JAKMIP3: variants seen among roughly 807,000 people sequenced by gnomAD.
JAKMIP3 encodes the protein Janus kinase and microtubule interacting protein 3, also known as janus kinase and microtubule-interacting protein 3.
JAKMIP3 carries 58 observed loss-of-function variants against 118.5 expected under a neutral mutation model. That is an observed-to-expected ratio of 0.49 (90% CI 0.40 to 0.61). JAKMIP3 has a LOEUF of 0.61. Ranked by LOEUF, JAKMIP3 falls within the 20% of genes least tolerant of loss-of-function variation. JAKMIP3 has a pLI of 0.00. For missense variants in JAKMIP3, 950 were observed against 1,109.0 expected (o/e 0.86, Z 2.04); for synonymous variants, 486 against 451.2 (o/e 1.08, Z -0.98).
chr10:132,150,863 T>A (rs2056029805), intron 16 of JAKMIP3, among the ~76,000 whole-genome samples: 2 of 152,114 alleles, frequency 1.3e-5, no homozygotes, highest in Non-Finnish European at 2.9e-5. Flanking sequence ...AATCCATCTA[T>A]CCATCCTTCA....
In JAKMIP3 at chr10:132,180,612, T is replaced by TGCGCGC. The variant is rs1565019226; in HGVS notation, c.*1104-1744_*1104-1743insCGCGCG. On this transcript the variant is annotated intron_variant, in intron 23 of 23. Coordinates refer to ENST00000684848, the MANE Select transcript of JAKMIP3 (RefSeq NM_001323087.2). Reference sequence around the variant, plus strand: ...GTGTGTGTGTGCGTGCGCGTGTGTGTGTGCGTGTGTGTGCGTGTGTGCGTG... The same window carrying TGCGCGC: ...GTGTGTGTGTGCGTGCGCGTGTGTGTGCGCGCGTGCGTGTGTGTGCGTGTGTGCGTG... Among the ~76,000 whole-genome samples the TGCGCGC allele has an allele frequency of 2.2e-4, 5 of 23,212 alleles. 1 individual carries two copies. Among genetic ancestry groups the TGCGCGC allele is most frequent in the African/African-American group, 9.4e-4 (5 of 5,342 alleles). 15.2% of individuals were successfully genotyped at this position (23,212 alleles called of 152,430 possible). A position where few individuals can be genotyped will look rare whatever the true frequency, so the allele number is the denominator to read the frequency against.
In JAKMIP3 at chr10:132,143,533, C is replaced by A. The variant is rs534167336; in HGVS notation, c.1602+1485C>A. 3.0e-4 allele frequency among the ~76,000 whole-genome samples: 44 copies of A among 145,476 alleles called. No homozygotes were observed. The South Asian group carries it at 8.8e-3, about 29-fold the overall frequency. On this transcript the variant is annotated intron_variant, in intron 11 of 23. Coordinates refer to ENST00000684848, the MANE Select transcript of JAKMIP3 (RefSeq NM_001323087.2). Reference sequence around the variant, plus strand: ...AGCTTTGCTTAGAGAGTAAAAATGTCCAAACTGCATGTAAAAAAAAGTTTA... The same window carrying A: ...AGCTTTGCTTAGAGAGTAAAAATGTACAAACTGCATGTAAAAAAAAGTTTA...
chr10:132,178,754 G>T (rs2137099511), intron 23 of JAKMIP3, among the ~76,000 whole-genome samples: 1 of 152,330 alleles, frequency 6.6e-6, no homozygotes, highest in South Asian at 2.1e-4. Context: ...ATCATCTGTT[G>T]ATTCTGAAGC....
At chr10:132,105,102 G>A (rs574492779) in intron 2 of JAKMIP3, among the ~76,000 whole-genome samples, 159 bp downstream of exon 2, 35 of 152,260 alleles carry the variant, frequency 2.3e-4, no homozygotes, top group African/African-American at 7.2e-4. Flanking sequence ...GGGGTGGGGC[G>A]GCAGGCAGTG....
At chr10:132,085,117 C>G (rs1185011766) in intron 1 of JAKMIP3, among the ~76,000 whole-genome samples, 1 of 152,074 alleles carries the variant, frequency 6.6e-6, no homozygotes, top group Non-Finnish European at 1.5e-5. Context: ...CTCTCTTTCT[C>G]TATTTTGTGG....
At chr10:132,054,237 G>T (rs574200466) in intron 1 of JAKMIP3, among the ~76,000 whole-genome samples, 1 of 152,190 alleles carries the variant, frequency 6.6e-6, no homozygotes, top group South Asian at 2.1e-4. Context: ...TGGCTCGGAG[G>T]AGCTGGCAGG....
chr10:132,139,259 T>A (rs1462914415), intron 9 of JAKMIP3, among the ~76,000 whole-genome samples: 3 of 151,662 alleles, frequency 2.0e-5, no homozygotes, highest in Admixed American at 6.6e-5. Context: ...TATGTGTGTG[T>A]GTGTATGTGT....
chr10:132,153,052 G>A, intron 17 of JAKMIP3, 29 bp downstream of exon 17: 1 of 1,576,326 alleles, frequency 6.3e-7, no homozygotes, highest in Non-Finnish European at 8.7e-7. Flanking sequence ...ACAGTCGGGA[G>A]AGGGCCGGGC....
At chr10:132,138,042 C>G in intron 8 of JAKMIP3, 77 bp from the exon 9 acceptor site, 1 of 1,341,768 alleles carries the variant, frequency 7.5e-7, no homozygotes, top group Non-Finnish European at 1.0e-6. Context: ...AATGATGGCA[C>G]ACGGGCAGTA....
chr10:132,069,286 C>T (rs1204319225), intron 1 of JAKMIP3, among the ~76,000 whole-genome samples: 2 of 152,070 alleles, frequency 1.3e-5, no homozygotes, highest in Non-Finnish European at 2.9e-5. Flanking sequence ...CTGGAGGCCT[C>T]GGTTTTTCTT....
chr10:132,137,389 G>A, intron 8 of JAKMIP3, 100 bp downstream of exon 8: 1 of 1,445,112 alleles, frequency 6.9e-7, no homozygotes, highest in Non-Finnish European at 9.6e-7. Flanking sequence ...CCAGACAGAA[G>A]CGGCCGCGGC....
At chr10:132,159,722 GCA>G (rs2057744853) in intron 19 of JAKMIP3, among the ~76,000 whole-genome samples, 2 of 108,864 alleles carry the variant, frequency 1.8e-5, no homozygotes, top group East Asian at 2.9e-4. Context: ...GATGCTGGGG[GCA>G]TGTCTTCCTG....
chr10:132,109,101 T>C lies in JAKMIP3; in HGVS notation c.135+4158T>C, dbSNP rs1212047407. On this transcript the variant is annotated intron_variant, in intron 2 of 23. Transcript: ENST00000684848. ...ACATATATATACACACACATATATATATACACACACACATATATATATACA... is the reference window on the plus strand; with the variant it reads ...ACATATATATACACACACATATATACATACACACACACATATATATATACA... Among the ~76,000 whole-genome samples, 8 of 144,248 alleles carry C rather than the reference T, an allele frequency of 5.5e-5. 1 individual carries two copies. The highest frequency in any genetic ancestry group is 2.2e-4 in the African/African-American group (8 of 37,180). 94.6% of individuals were successfully genotyped at this position (144,248 alleles called of 152,430 possible).
At chr10:132,164,857 G>A (rs1241800349) in intron 21 of JAKMIP3, 122 bp downstream of exon 21, 2 of 688,648 alleles carry the variant, frequency 2.9e-6, no homozygotes, top group Non-Finnish European at 2.6e-6. Flanking sequence ...CCCAACAGCA[G>A]CGGGAAGCGG....
At chr10:132,068,559 C>T (rs528258328) in intron 1 of JAKMIP3, among the ~76,000 whole-genome samples, 2 of 152,214 alleles carry the variant, frequency 1.3e-5, no homozygotes. Flanking sequence ...TCTGGCACCC[C>T]AAGCTGGGCT....
At chr10:132,050,113 C>A (rs996439758) in intron 1 of JAKMIP3, among the ~76,000 whole-genome samples, 3 of 152,098 alleles carry the variant, frequency 2.0e-5, no homozygotes, top group African/African-American at 4.8e-5. Context: ...TTCCTTTTTG[C>A]CTTCTTTTCT....
At chr10:132,131,503 G>A (rs1439563018) in intron 3 of JAKMIP3, among the ~76,000 whole-genome samples, 2 of 151,856 alleles carry the variant, frequency 1.3e-5, no homozygotes, top group Non-Finnish European at 1.5e-5. Context: ...GGGCACCCGG[G>A]GGCTCCAGCA....
intron 1 of JAKMIP3, among the ~76,000 whole-genome samples, chr10:132,054,503 G>A (rs1478063832): frequency 6.6e-6 from 1 of 152,154 alleles, no homozygotes; most frequent in Non-Finnish European, 1.5e-5. Flanking sequence ...AGATATGGGG[G>A]GAGACAAGGT....
rs2060739528 is a variant in JAKMIP3 at position 132,180,554 on chromosome 10, CATGCGTGTGT to C, written c.*1104-1802_*1104-1793del. The stretch of plus-strand genomic sequence containing the variant: ...GTGTGTGTGTGTGTGTGCGTGCGTG[CATGCGTGTGT>C]GTGCGTGTGTGTGTGCGTGCGCGTG... On this transcript the variant is annotated intron_variant, in intron 23 of 23. Coordinates refer to ENST00000684848, the MANE Select transcript of JAKMIP3 (RefSeq NM_001323087.2). Among the ~76,000 whole-genome samples, 33 of 4,334 alleles carry C rather than the reference CATGCGTGTGT, an allele frequency of 7.6e-3. 3 individuals are homozygous for C. Among genetic ancestry groups the C allele is most frequent in the African/African-American group, 0.028 (28 of 1,006 alleles). The allele number at this position is 4,334 out of a possible 152,430, so 2.8% of individuals were successfully genotyped here.
Sources: allele counts gnomAD v4.1 joint callset (sites outside exome capture counted in the v4.1 genomes callset), GRCh38; gene constraint gnomAD v4.1.1; transcripts MANE v1.5; gene names NCBI Gene and HGNC (gene_info 2026-07-23, HGNC 2026-07-21).